Variants in JCAD observed in about 807,000 individuals in gnomAD.
The protein encoded by JCAD is junctional cadherin 5 associated.
In JCAD, 40 loss-of-function variants were observed where a neutral mutation model predicts 98.0. The ratio of observed to expected loss-of-function variants is 0.41; its 90% CI spans 0.32 to 0.53. The LOEUF (loss-of-function observed/expected upper bound fraction) is 0.53. Among genes scored for constraint, JCAD ranks in the 20% least tolerant of loss-of-function variants. The pLI is 0.31. For synonymous variants in JCAD, 691 were observed against 682.3 expected (o/e 1.01, Z -0.20); for missense variants, 1,705 against 1,738.1 (o/e 0.98, Z 0.34).
chr10:30,102,450 C>A (rs953149751), intron 1 of JCAD, among the ~76,000 whole-genome samples: 12 of 152,292 alleles, frequency 7.9e-5, no homozygotes, highest in Non-Finnish European at 1.8e-4. Flanking sequence ...GGATTACAGG[C>A]GTGAGCCACT....
intron 3 of JCAD, among the ~76,000 whole-genome samples, chr10:30,022,950 T>G (rs1246819259): frequency 6.6e-6 from 1 of 152,178 alleles, no homozygotes; most frequent in Non-Finnish European, 1.5e-5. Flanking sequence ...CAACTTCCAG[T>G]CCTGCAAGCT....
At chr10:30,108,571 ATTG>A (rs1838629899) in intron 1 of JCAD, among the ~76,000 whole-genome samples, 1 of 152,162 alleles carries the variant, frequency 6.6e-6, no homozygotes, top group Non-Finnish European at 1.5e-5. Context: ...TTCATTGTTC[ATTG>A]TTCATTCATT....
At chr10:30,053,821 GCGA>G (rs1265720509) in intron 1 of JCAD, among the ~76,000 whole-genome samples, 2 of 151,598 alleles carry the variant, frequency 1.3e-5, no homozygotes, top group African/African-American at 4.8e-5. Context: ...CCAGCACTTT[GCGA>G]GGCTGAGGTG....
At position 30,059,138 on chromosome 10, in the gene JCAD, G is replaced by A. The variant is rs1044031044; in HGVS notation, c.-60+344C>T. ...GACCCCGGCCCCCCAGGCCCTCCGC[G>A]CGCCGAGGGGCGACGCGAGCGCTAA... On this transcript the variant is annotated intron_variant, in intron 1 of 3. Coordinates refer to ENST00000375377, the MANE Select transcript of JCAD (RefSeq NM_020848.4). The surrounding 1 kb of genome is among the most constrained non-coding windows in gnomAD (Gnocchi z 5.0). 1.5e-4 allele frequency among the ~76,000 whole-genome samples: 23 copies of A among 151,834 alleles called. No individual in the cohort carries two copies. Among genetic ancestry groups the A allele is most frequent in the African/African-American group, 5.3e-4 (22 of 41,370 alleles).
chr10:30,036,631 C>T (rs1008821013), intron 2 of JCAD, among the ~76,000 whole-genome samples: 1 of 152,156 alleles, frequency 6.6e-6, no homozygotes, highest in Non-Finnish European at 1.5e-5. Context: ...TGTGGATTAA[C>T]TTAAGAAATC....
chr10:30,026,915 G>C lies in JCAD; in HGVS notation c.3233C>G (p.Pro1078Arg). Reference protein sequence around the residue: ...LGEASTIEIPPGESLQARAAR... With the variant: ...LGEASTIEIPRGESLQARAAR... Reference sequence around the variant, plus strand: ...AGCCCTGGCTTGCAAGGACTCACCTGGGGGGATTTCTATTGTGCTTGCTTC... The same window carrying C: ...AGCCCTGGCTTGCAAGGACTCACCTCGGGGGATTTCTATTGTGCTTGCTTC... The change falls in exon 3 of 4, where the codon CCA becomes CGA. Residue 1078 changes from proline to arginine, a missense_variant. Physicochemically the swap from Pro to Arg is moderately radical, Grantham distance 103. Around this residue, in one of 3 missense-constraint regions of JCAD, gnomAD observed 1,278 missense variants for 1,243.1 expected, o/e 1.03. Transcript: ENST00000375377. The C allele has an allele frequency of 6.2e-7, 1 of 1,614,046 alleles. No homozygotes were observed. Among genetic ancestry groups the C allele is most frequent in the Non-Finnish European group, 8.5e-7 (1 of 1,180,014 alleles).
chr10:30,078,168 G>T (rs1245873222), intron 1 of JCAD, among the ~76,000 whole-genome samples: 1 of 152,128 alleles, frequency 6.6e-6, no homozygotes, highest in African/African-American at 2.4e-5. Context: ...TTCTAATTTA[G>T]TCACTAAAGA....
intron 1 of JCAD, among the ~76,000 whole-genome samples, chr10:30,094,975 T>C (rs1343015622): frequency 2.0e-5 from 3 of 152,306 alleles, no homozygotes; most frequent in Non-Finnish European, 2.9e-5. Context: ...TTATTAATTG[T>C]CTGAGTAGGT....
Position 30,026,906 on chromosome 10 carries a change from G to A in JCAD, c.3242C>T (p.Ser1081Phe), listed in dbSNP as rs1160859352. 6.2e-7 allele frequency: 1 copy of A among 1,614,076 alleles called. No homozygotes were observed. The highest frequency in any genetic ancestry group is 8.5e-7 in the Non-Finnish European group (1 of 1,180,002). ...ASTIEIPPGESLQARAARILG... is the reference protein window; with the variant it reads ...ASTIEIPPGEFLQARAARILG... ...GATCCTTGCAGCCCTGGCTTGCAAG[G>A]ACTCACCTGGGGGGATTTCTATTGT... The change falls in exon 3 of 4, where the codon TCC (serine) becomes TTC (phenylalanine). Residue 1081 changes from serine to phenylalanine, a missense_variant. Coordinates refer to ENST00000375377, the MANE Select transcript of JCAD (RefSeq NM_020848.4).
chr10:30,047,601 C>T lies in JCAD; in HGVS notation c.212G>A (p.Ser71Asn), dbSNP rs1837370930. 16 of 1,613,982 alleles carry T rather than the reference C, an allele frequency of 9.9e-6. No individual in the cohort carries two copies. The highest frequency in any genetic ancestry group is 1.2e-5 in the Non-Finnish European group (14 of 1,180,012). Residue 71 changes from serine to asparagine, a missense_variant, in exon 2 of 4, where the codon AGC (serine) becomes AAC (asparagine). Physicochemically the swap from Ser to Asn is conservative, Grantham distance 46 (BLOSUM62 1). Around this residue, in one of 3 missense-constraint regions of JCAD, gnomAD observed 152 missense variants for 148.0 expected, o/e 1.03. Transcript: ENST00000375377. ...AGKGHVSDSE[S>N]RRSTPRGHGE... The stretch of plus-strand genomic sequence containing the variant: ...GTGGCCTCTCGGTGTGCTGCGGCGG[C>T]TTTCGGAGTCACTCACATGTCCTTT...
intron 1 of JCAD, among the ~76,000 whole-genome samples, chr10:30,112,871 CA>C (rs57740787): frequency 0.066 from 6,538 of 99,054 alleles, 340 homozygotes; most frequent in African/African-American, 0.2. Context: ...GACTCCATCT[CA>C]AAAAAAAAAA....
chr10:30,027,170 G>C lies in JCAD; in HGVS notation c.2978C>G (p.Pro993Arg). The C allele has an allele frequency of 6.2e-7, 1 of 1,614,166 alleles. No individual in the cohort carries two copies. The highest frequency in any genetic ancestry group is 8.5e-7 in the Non-Finnish European group (1 of 1,179,982). ...TTCCTGGGGCTCCCTAGGTTCAGCT[G>C]GATAGGACGCGGGCAGTGGTTTTGC... ...SDAKPLPASY[P>R]AEPREPQESP... Residue 993 changes from proline (P) to arginine (R), a missense_variant, in exon 3 of 4, where the codon CCA becomes CGA. Transcript: ENST00000375377.
chr10:30,056,145 G>A (rs1020295010), intron 1 of JCAD, among the ~76,000 whole-genome samples: 3 of 152,156 alleles, frequency 2.0e-5, no homozygotes, highest in African/African-American at 7.2e-5. Context: ...AAAAATAGCT[G>A]TAAAACATCA....
chr10:30,103,855 C>A (rs1414394502), intron 1 of JCAD, among the ~76,000 whole-genome samples: 2 of 151,912 alleles, frequency 1.3e-5, no homozygotes, highest in African/African-American at 4.8e-5. Context: ...CCTCAGCCTC[C>A]CGAGTAGCTG....
intron 1 of JCAD, among the ~76,000 whole-genome samples, chr10:30,081,407 G>A (rs989408152): frequency 4.6e-5 from 7 of 152,104 alleles, no homozygotes; most frequent in Admixed American, 3.9e-4. Flanking sequence ...AAGTGAAGGC[G>A]TAGAGCTGAA....
In JCAD at chr10:30,013,998, TTTTA is replaced by T. The variant is rs1313778020; in HGVS notation, c.*3881_*3884del. On this transcript the variant is annotated 3_prime_UTR_variant, in exon 4 of 4. Coordinates refer to ENST00000375377, the MANE Select transcript of JCAD (RefSeq NM_020848.4). ...GAATTTATGGTCTTAATGACTCCCT[TTTTA>T]TTTCTTTCCAACAAAACCTGCAGGC... 1.3e-5 allele frequency: 2 copies of T among 152,208 alleles called. No individual in the cohort carries two copies. The highest frequency in any genetic ancestry group is 2.9e-5 in the Non-Finnish European group (2 of 68,040). The allele number at this position is 152,208 out of a possible 1,614,324, so 9.4% of individuals were successfully genotyped here. A position where few individuals can be genotyped will look rare whatever the true frequency, so the allele number is the denominator to read the frequency against.
chr10:30,029,678 C>G lies in JCAD; in HGVS notation c.470G>C (p.Gly157Ala). Reference sequence around the variant, plus strand: ...CTTCATCACATGCTCTGACCTTCCTCCAACTTCCCATGGACCCTCCCTCAC... The same window carrying G: ...CTTCATCACATGCTCTGACCTTCCTGCAACTTCCCATGGACCCTCCCTCAC... ...VHVREGPWEV[G>A]GRSEHVMKKP... The change falls in exon 3 of 4, where the codon GGA becomes GCA. Residue 157 changes from glycine to alanine, a missense_variant. Gly to Ala is a moderately conservative substitution (Grantham distance 60, BLOSUM62 0). Around this residue, in one of 3 missense-constraint regions of JCAD, gnomAD observed 275 missense variants for 346.9 expected, o/e 0.79. Transcript: ENST00000375377. 1.2e-6 allele frequency: 2 copies of G among 1,614,252 alleles called. No homozygotes were observed. The highest frequency in any genetic ancestry group is 1.7e-6 in the Non-Finnish European group (2 of 1,180,050).
intron 1 of JCAD, among the ~76,000 whole-genome samples, chr10:30,075,045 C>G (rs1164500248): frequency 1.3e-5 from 2 of 152,224 alleles, no homozygotes; most frequent in African/African-American, 4.8e-5. Context: ...CTGTCTCAGC[C>G]TCCCAAAGTG....
intron 1 of JCAD, among the ~76,000 whole-genome samples, chr10:30,079,720 G>T (rs1838047752): frequency 6.6e-6 from 1 of 152,174 alleles, no homozygotes; most frequent in African/African-American, 2.4e-5. Flanking sequence ...TGGGGTCAGA[G>T]ACTGTGTATC....
Sources: allele counts gnomAD v4.1 joint callset (sites outside exome capture counted in the v4.1 genomes callset), GRCh38; gene constraint gnomAD v4.1.1; regional missense constraint gnomAD v4.1.1; non-coding constraint Gnocchi (gnomAD v3.1); transcripts MANE v1.5; gene names NCBI Gene and HGNC (gene_info 2026-07-23, HGNC 2026-07-21).